ME2: variants seen among roughly 807,000 people sequenced by gnomAD.
ME2 encodes NAD-dependent malic enzyme, mitochondrial.
A neutral mutation model predicts 73.7 loss-of-function variants in ME2; 60 were observed. That is an observed-to-expected ratio of 0.81 (90% CI 0.66 to 1.01). ME2 has a LOEUF of 1.01. ME2 is among the 50% of genes least tolerant of loss of function. The pLI is 0.00. For missense variants in ME2, 594 were observed against 705.5 expected (o/e 0.84, Z 1.79); for synonymous variants, 199 against 236.9 (o/e 0.84, Z 1.47).
At chr18:50,919,746 T>C (rs1269019363) in intron 7 of ME2, among the ~76,000 whole-genome samples, 1 of 152,104 alleles carries the variant, frequency 6.6e-6, no homozygotes, top group African/African-American at 2.4e-5. Flanking sequence ...ATGTGAATAT[T>C]TTCCTTTCTC....
Position 50,895,950 on chromosome 18 carries a change from G to A in ME2, c.108+22G>A, listed in dbSNP as rs764580930. 1.7e-5 allele frequency: 25 copies of A among 1,453,608 alleles called. No homozygotes were observed. In the East Asian group the frequency reaches 4.5e-4, roughly 26 times the overall value. 90.0% of individuals were successfully genotyped at this position (1,453,608 alleles called of 1,614,324 possible). A position where few individuals can be genotyped will look rare whatever the true frequency, so the allele number is the denominator to read the frequency against. On this transcript the variant is annotated intron_variant, in intron 2 of 15. Transcript: ENST00000321341. ...CAAGGTTAGTAACATTAATATCAAT[G>A]TACATTTTCTCTCTTCTTATTAAAG...
chr18:50,883,132 A>G, intron 1 of ME2, among the ~76,000 whole-genome samples: 1 of 152,244 alleles, frequency 6.6e-6, no homozygotes, highest in Non-Finnish European at 1.5e-5. Flanking sequence ...GTCATAGACC[A>G]GTCAAAAACA....
At chr18:50,920,856 T>A in intron 9 of ME2, 98 bp downstream of exon 9, 1 of 932,842 alleles carries the variant, frequency 1.1e-6, no homozygotes, top group Non-Finnish European at 1.6e-6. Context: ...ATAGTGAGCC[T>A]GTAATTTTGT....
intron 12 of ME2, among the ~76,000 whole-genome samples, chr18:50,929,718 C>G (rs769889332): frequency 6.6e-6 from 1 of 151,996 alleles, no homozygotes; most frequent in African/African-American, 2.4e-5. Flanking sequence ...CTTTTTATTA[C>G]TTTTAGCTTG....
chr18:50,916,338 T>C, intron 5 of ME2, 95 bp downstream of exon 5: 1 of 988,292 alleles, frequency 1.0e-6, no homozygotes, highest in Admixed American at 2.0e-5. Flanking sequence ...GTTGCTCTCA[T>C]TTATTTTGCA....
chr18:50,931,945 A>C lies in ME2; in HGVS notation c.1315-313A>C, dbSNP rs556634589. Among the ~76,000 whole-genome samples the C allele has an allele frequency of 4.1e-4, 63 of 152,270 alleles. 1 individual carries two copies. Among genetic ancestry groups the C allele is most frequent in the Non-Finnish European group, 7.2e-4 (49 of 68,012 alleles). On this transcript the variant is annotated intron_variant, in intron 12 of 15. Transcript: ENST00000321341. ...TGATCTGCCCACCTTGGCCTCCCAA[A>C]GTGCTGGGACTGCAGGTGTAAGCTT...
chr18:50,913,860 T>TACACACACACACACACACAC (rs1555677139), intron 4 of ME2, among the ~76,000 whole-genome samples: 14 of 143,284 alleles, frequency 9.8e-5, no homozygotes, highest in East Asian at 8.2e-4. Context: ...AGCAATATTA[T>TACACACACACACACACACAC]ACACACACAC....
intron 12 of ME2, among the ~76,000 whole-genome samples, chr18:50,930,322 T>C (rs1300689912): frequency 6.6e-6 from 1 of 152,140 alleles, no homozygotes. Flanking sequence ...TCTTTCTTAG[T>C]GTTACATGAA....
chr18:50,933,545 C>G (rs1471776331), intron 13 of ME2: 1 of 152,108 alleles, frequency 6.6e-6, no homozygotes. Flanking sequence ...TAATCTCTTT[C>G]TAGAACTTGA....
intron 1 of ME2, among the ~76,000 whole-genome samples, chr18:50,889,756 CTGTTCA>C (rs1027787613): frequency 6.6e-6 from 1 of 152,086 alleles, no homozygotes; most frequent in Non-Finnish European, 1.5e-5. Context: ...ACATATTAAC[CTGTTCA>C]TGTTAATGGG....
At chr18:50,920,845 C>G (rs1385912483) in intron 9 of ME2, 87 bp downstream of exon 9, 3 of 994,876 alleles carry the variant, frequency 3.0e-6, no homozygotes, top group Non-Finnish European at 4.5e-6. Context: ...TATGAAAGAG[C>G]ATAGTGAGCC....
intron 2 of ME2, among the ~76,000 whole-genome samples, chr18:50,905,735 T>G (rs1917003308): frequency 6.6e-6 from 1 of 152,238 alleles, no homozygotes; most frequent in Non-Finnish European, 1.5e-5. Flanking sequence ...AATGTCTGGA[T>G]TATGATAGGA....
Position 50,910,987 on chromosome 18 carries a change from G to A in ME2, c.243-1814G>A, listed in dbSNP as rs528072757. On this transcript the variant is annotated intron_variant, in intron 3 of 15. Coordinates refer to ENST00000321341, the MANE Select transcript of ME2 (RefSeq NM_002396.5). Reference sequence around the variant, plus strand: ...GGGCATCATATGGCTACCCAAAATGGTAGAGGATTGTGATCCAAGAGTGGA... The same window carrying A: ...GGGCATCATATGGCTACCCAAAATGATAGAGGATTGTGATCCAAGAGTGGA... Among the ~76,000 whole-genome samples the A allele has an allele frequency of 2.3e-4, 35 of 152,326 alleles. No homozygotes were observed. The East Asian group carries it at 4.4e-3, about 19-fold the overall frequency.
At chr18:50,916,324 C>T (rs1917283245) in intron 5 of ME2, 81 bp downstream of exon 5, 1 of 1,088,766 alleles carries the variant, frequency 9.2e-7, no homozygotes, top group Non-Finnish European at 1.4e-6. Context: ...AACAGTTTTT[C>T]ATTGTTGCTC....
At chr18:50,939,862 A>T (rs905194497) in intron 14 of ME2, 6 of 497,644 alleles carry the variant, frequency 1.2e-5, no homozygotes, top group African/African-American at 1.9e-5. Context: ...TAACACTTAG[A>T]CTATACTTGC....
chr18:50,952,086 C>T lies in ME2; in HGVS notation c.*4902C>T, dbSNP rs891376237. Reference sequence around the variant, plus strand: ...GACAAGACCACACGTGTTCAGGTGCCATGTATTCATATAGCTCTCAACTGA... The same window carrying T: ...GACAAGACCACACGTGTTCAGGTGCTATGTATTCATATAGCTCTCAACTGA... On this transcript the variant is annotated 3_prime_UTR_variant, in exon 16 of 16. Coordinates refer to ENST00000321341, the MANE Select transcript of ME2 (RefSeq NM_002396.5). The T allele has an allele frequency of 1.3e-5, 2 of 152,068 alleles. No individual in the cohort carries two copies. Among genetic ancestry groups the T allele is most frequent in the Non-Finnish European group, 2.9e-5 (2 of 68,012 alleles). 9.4% of individuals were successfully genotyped at this position (152,068 alleles called of 1,614,324 possible). A position where few individuals can be genotyped will look rare whatever the true frequency, so the allele number is the denominator to read the frequency against.
intron 12 of ME2, among the ~76,000 whole-genome samples, chr18:50,931,976 C>T (rs545234175): frequency 1.3e-5 from 2 of 152,116 alleles, no homozygotes; most frequent in East Asian, 3.9e-4. Context: ...AGCTTCTGTG[C>T]CTGGCCTTAA....
At chr18:50,893,079 C>T (rs999608659) in intron 1 of ME2, among the ~76,000 whole-genome samples, 2 of 131,746 alleles carry the variant, frequency 1.5e-5, no homozygotes, top group Non-Finnish European at 1.5e-5. Flanking sequence ...GAGCCAAGAT[C>T]GTGCCATTGC....
At chr18:50,911,959 G>A (rs1265707383) in intron 3 of ME2, among the ~76,000 whole-genome samples, 3 of 152,120 alleles carry the variant, frequency 2.0e-5, no homozygotes, top group Non-Finnish European at 4.4e-5. Context: ...GAGAAATGAT[G>A]GTAGCTTGTA....
Sources: gnomAD v4.1 joint callset for allele counts (sites outside exome capture counted in the v4.1 genomes callset) on GRCh38, gnomAD v4.1.1 for gene constraint, MANE v1.5 for transcripts, NCBI Gene and HGNC (gene_info 2026-07-23, HGNC 2026-07-21) for gene names.